ZNF407: variants seen among roughly 807,000 people sequenced by gnomAD.
ZNF407 encodes zinc finger protein 407.
A neutral mutation model predicts 131.2 loss-of-function variants in ZNF407; 17 were observed. That is an observed-to-expected ratio of 0.13 (90% CI 0.09 to 0.19). ZNF407 has a LOEUF of 0.19. Ranked by LOEUF, ZNF407 falls within the 10% of genes least tolerant of loss-of-function variation. ZNF407 has a pLI of 1.00. For missense variants in ZNF407, 2,681 were observed against 2,830.6 expected (o/e 0.95, Z 1.20); for synonymous variants, 1,156 against 1,062.0 (o/e 1.09, Z -1.72).
chr18:75,024,555 T>G (rs1475100692), intron 8 of ZNF407, among the ~76,000 whole-genome samples: 1 of 152,240 alleles, frequency 6.6e-6, no homozygotes, highest in Non-Finnish European at 1.5e-5. Flanking sequence ...ATTAAACATT[T>G]CAACTAGTAA....
chr18:74,828,254 A>T (rs1970435384), intron 4 of ZNF407, among the ~76,000 whole-genome samples: 1 of 152,130 alleles, frequency 6.6e-6, no homozygotes, highest in Admixed American at 6.6e-5. Context: ...CCTAATTTTC[A>T]TGTATCACAT....
At chr18:74,954,087 A>G (rs1167455179) in intron 8 of ZNF407, among the ~76,000 whole-genome samples, 1 of 152,194 alleles carries the variant, frequency 6.6e-6, no homozygotes, top group Admixed American at 6.5e-5. Flanking sequence ...ATTTCTATTG[A>G]CTTTTCCAAT....
chr18:75,000,890 A>G (rs192900878), intron 8 of ZNF407, among the ~76,000 whole-genome samples: 3 of 152,358 alleles, frequency 2.0e-5, no homozygotes, highest in African/African-American at 7.2e-5. Flanking sequence ...AATAATCAGA[A>G]TGATGGCATC....
chr18:74,910,745 T>C lies in ZNF407; in HGVS notation c.5250-9769T>C, dbSNP rs538773950. On this transcript the variant is annotated intron_variant, in intron 7 of 8. Transcript: ENST00000299687. ...ATTAGAGTTTCATTAAGTATAATAA[T>C]TTTCAAAAATGCAGTGCTTCACTTG... Among the ~76,000 whole-genome samples, 7 of 152,324 alleles carry C rather than the reference T, an allele frequency of 4.6e-5. No homozygotes were observed. In the East Asian group the frequency reaches 1.2e-3, roughly 25 times the overall value.
At chr18:74,612,125 A>G (rs1204216500) in intron 1 of ZNF407, among the ~76,000 whole-genome samples, 1 of 152,162 alleles carries the variant, frequency 6.6e-6, no homozygotes, top group Admixed American at 6.5e-5. Flanking sequence ...CTCAAGGGGG[A>G]AAAAAGCTAC....
intron 3 of ZNF407, among the ~76,000 whole-genome samples, chr18:74,654,628 G>A (rs975504532): frequency 7.3e-5 from 11 of 151,696 alleles, no homozygotes; most frequent in Non-Finnish European, 1.0e-4. Flanking sequence ...AAAACTATAA[G>A]TAGAAAATTT....
intron 3 of ZNF407, among the ~76,000 whole-genome samples, chr18:74,674,002 G>A (rs1273849902): frequency 6.6e-6 from 1 of 152,184 alleles, no homozygotes; most frequent in Non-Finnish European, 1.5e-5. Context: ...GCTCACAGAA[G>A]CTAAAAATCT....
chr18:75,065,313 G>A lies in ZNF407; in HGVS notation c.*845G>A, dbSNP rs1456726918. 2 of 152,112 alleles carry A rather than the reference G, an allele frequency of 1.3e-5. No homozygotes were observed. Among genetic ancestry groups the A allele is most frequent in the East Asian group, 3.9e-4 (2 of 5,182 alleles). The allele number at this position is 152,112 out of a possible 1,614,324, so 9.4% of individuals were successfully genotyped here. Reference sequence around the variant, plus strand: ...TCAATATTTTGCTTTTTATAACAAGGGTTTGTTCATATTGATGCCATTTTT... The same window carrying A: ...TCAATATTTTGCTTTTTATAACAAGAGTTTGTTCATATTGATGCCATTTTT... On this transcript the variant is annotated 3_prime_UTR_variant, in exon 9 of 9. Transcript: ENST00000299687.
chr18:74,802,292 T>C (rs1970033235), intron 4 of ZNF407, among the ~76,000 whole-genome samples: 2 of 152,248 alleles, frequency 1.3e-5, no homozygotes, highest in African/African-American at 4.8e-5. Context: ...CTATTGTTTA[T>C]GTGAATCATG....
intron 5 of ZNF407, among the ~76,000 whole-genome samples, chr18:74,880,337 TGCAAAGGTTTCCAATCCAGA>T (rs1394460735): frequency 6.6e-6 from 1 of 152,238 alleles, no homozygotes; most frequent in African/African-American, 2.4e-5. Flanking sequence ...CCCTAAGTGT[TGCAAAGGTTTCCAATCCAGA>T]GCTGTCATTA....
chr18:74,971,774 A>G (rs569357587), intron 8 of ZNF407, among the ~76,000 whole-genome samples: 1 of 152,206 alleles, frequency 6.6e-6, no homozygotes, highest in East Asian at 1.9e-4. Flanking sequence ...TTGCTTCCAC[A>G]TTTTCAGTAT....
chr18:74,999,366 A>AAAAAAAC lies in ZNF407; in HGVS notation c.5429-63778_5429-63777insCAAAAAA, dbSNP rs1568296601. ...AGTATAATAAAAAAAAAAAAAAAAA[A>AAAAAAAC]AAAAAAAAACAAAGGTAAAACTTAA... On this transcript the variant is annotated intron_variant, in intron 8 of 8. Transcript: ENST00000299687. Among the ~76,000 whole-genome samples, 270 of 149,754 alleles carry AAAAAAAC rather than the reference A, an allele frequency of 1.8e-3. 2 individuals carry two copies. Among genetic ancestry groups the AAAAAAAC allele is most frequent in the African/African-American group, 6.0e-3 (245 of 40,516 alleles).
In ZNF407 at chr18:74,624,159, GT is replaced by G. The variant is rs372989282; in HGVS notation, c.-53-6804del. On this transcript the variant is annotated intron_variant, in intron 1 of 8. Transcript: ENST00000299687. The stretch of plus-strand genomic sequence containing the variant: ...CTGGCAGTCAGTGAGTCTTCTGCCT[GT>G]TTTCGCTTTGTTCCGGGGAGAGCCA... 1.5e-3 allele frequency among the ~76,000 whole-genome samples: 229 copies of G among 152,186 alleles called. 1 individual carries two copies. Among genetic ancestry groups the G allele is most frequent in the African/African-American group, 5.2e-3 (217 of 41,516 alleles).
chr18:74,644,476 A>G (rs1984875665), intron 3 of ZNF407, among the ~76,000 whole-genome samples: 2 of 151,902 alleles, frequency 1.3e-5, no homozygotes, highest in African/African-American at 4.8e-5. Flanking sequence ...TTCTTTCAGT[A>G]GTCAAAAACG....
chr18:74,749,336 G>A (rs1027241444), intron 3 of ZNF407, among the ~76,000 whole-genome samples: 1 of 152,008 alleles, frequency 6.6e-6, no homozygotes, highest in Admixed American at 6.6e-5. Flanking sequence ...ACATCCCCCA[G>A]CCTTCTTGCT....
At chr18:74,679,180 AC>A (rs1435193420) in intron 3 of ZNF407, among the ~76,000 whole-genome samples, 1 of 152,248 alleles carries the variant, frequency 6.6e-6, no homozygotes, top group African/African-American at 2.4e-5. Context: ...GGCACAGGAA[AC>A]GTTAATTCTA....
chr18:74,994,933 G>A (rs1029112588), intron 8 of ZNF407, among the ~76,000 whole-genome samples: 4 of 152,118 alleles, frequency 2.6e-5, no homozygotes, highest in African/African-American at 7.2e-5. Flanking sequence ...TAAAAGCAAC[G>A]AAATTTCAAG....
At chr18:74,836,606 G>A (rs1054746864) in intron 4 of ZNF407, among the ~76,000 whole-genome samples, 5 of 152,184 alleles carry the variant, frequency 3.3e-5, no homozygotes, top group Non-Finnish European at 7.3e-5. Context: ...CGATGCCTCC[G>A]TTTCTAACCT....
intron 3 of ZNF407, among the ~76,000 whole-genome samples, chr18:74,747,072 T>C (rs765847865): frequency 1.3e-5 from 2 of 152,214 alleles, no homozygotes; most frequent in Non-Finnish European, 2.9e-5. Flanking sequence ...ACCATTGTCA[T>C]ATATGTGGTT....
Sources: allele counts gnomAD v4.1 joint callset (sites outside exome capture counted in the v4.1 genomes callset), GRCh38; gene constraint gnomAD v4.1.1; transcripts MANE v1.5; gene names NCBI Gene and HGNC (gene_info 2026-07-23, HGNC 2026-07-21).